The following GOT2 variants were observed in gnomAD, a reference collection of about 807,000 sequenced individuals.
The protein encoded by GOT2 is aspartate aminotransferase, mitochondrial.
In GOT2, 17 loss-of-function variants were observed where a neutral mutation model predicts 50.0. The ratio of observed to expected loss-of-function variants is 0.34; its 90% CI spans 0.23 to 0.51. The LOEUF (loss-of-function observed/expected upper bound fraction) is 0.51. GOT2 is among the 20% of genes least tolerant of loss of function. GOT2 has a pLI of 0.97. For missense variants in GOT2, 430 were observed against 559.6 expected, an observed-to-expected ratio of 0.77 and a Z score of 2.34; for synonymous variants, 172 against 204.9, an observed-to-expected ratio of 0.84 and a Z score of 1.37.
intron 1 of GOT2, among the ~76,000 whole-genome samples, chr16:58,730,147 G>C (rs1474610702): frequency 6.6e-6 from 1 of 152,142 alleles, no homozygotes; most frequent in Non-Finnish European, 1.5e-5. Flanking sequence ...TCTGTTTGTT[G>C]AAACTCTGGG....
chr16:58,727,985 AG>A (rs11299978), intron 1 of GOT2, among the ~76,000 whole-genome samples: 98,883 of 151,766 alleles, frequency 0.65, 33,002 homozygotes, highest in Middle Eastern at 0.86. Context: ...TTCCCAACAA[AG>A]GTTCTCTTAA....
In GOT2 at chr16:58,719,184, T is replaced by G. The variant is rs778468202; in HGVS notation, c.435+12A>C. ...ATTTATAATTCTTTCCTGAAGAAGCTTCCAGACTCACCAGAAAACTGGCTC... is the reference window on the plus strand; with the variant it reads ...ATTTATAATTCTTTCCTGAAGAAGCGTCCAGACTCACCAGAAAACTGGCTC... On this transcript the variant is annotated intron_variant, in intron 4 of 9. Transcript: ENST00000245206. 6.2e-7 allele frequency: 1 copy of G among 1,600,906 alleles called. No homozygotes were observed. The highest frequency in any genetic ancestry group is 8.6e-7 in the Non-Finnish European group (1 of 1,168,106).
At position 58,723,751 on chromosome 16, in the gene GOT2, G is replaced by T; in HGVS notation, c.241C>A (p.Arg81Ser). The T allele has an allele frequency of 1.2e-6, 2 of 1,611,716 alleles. No homozygotes were observed. The highest frequency in any genetic ancestry group is 1.1e-5 in the South Asian group (1 of 90,992). The change falls in exon 2 of 10, where the codon CGC becomes AGC. Residue 81 changes from arginine to serine, a missense_variant. Arg to Ser is a moderately radical substitution (Grantham distance 110). Transcript: ENST00000245206. ...NGKPYVLPSV[R>S]KAEAQIAAKN... ...GAGATGAACAGCAAGCTCACCTTGC[G>T]GACGCTAGGCAGAACGTAAGGCTTT...
Position 58,708,022 on chromosome 16 carries a change from A to G in GOT2, c.*149T>C. 1.4e-6 allele frequency: 1 copy of G among 715,436 alleles called. No individual in the cohort carries two copies. The highest frequency in any genetic ancestry group is 2.2e-6 in the Non-Finnish European group (1 of 455,450). 44.3% of individuals were successfully genotyped at this position (715,436 alleles called of 1,614,324 possible). On this transcript the variant is annotated 3_prime_UTR_variant, in exon 10 of 10. Coordinates refer to ENST00000245206, the MANE Select transcript of GOT2 (RefSeq NM_002080.4). ...CTGTGTCACTACATGTTCTTTTCTG[A>G]GAAACATTCAAATGCTGAGTGTTAC...
intron 7 of GOT2, 77 bp downstream of exon 7, chr16:58,716,583 CACA>C (rs2044695486): frequency 1.5e-5 from 18 of 1,226,958 alleles, no homozygotes; most frequent in Admixed American, 1.1e-4. Context: ...CACACACACA[CACA>C]CACCCACAAG....
chr16:58,729,024 T>G (rs1242397742), intron 1 of GOT2, among the ~76,000 whole-genome samples: 1 of 151,936 alleles, frequency 6.6e-6, no homozygotes, highest in Non-Finnish European at 1.5e-5. Flanking sequence ...TAGTTTTTTC[T>G]AGAGAATCAG....
intron 8 of GOT2, among the ~76,000 whole-genome samples, chr16:58,710,396 CTTT>C (rs774270272): frequency 2.2e-5 from 3 of 138,738 alleles, no homozygotes; most frequent in Admixed American, 7.3e-5. Context: ...ATTTTCTTTT[CTTT>C]TTTTTTTTTT....
At chr16:58,732,155 A>G (rs1053489822) in intron 1 of GOT2, among the ~76,000 whole-genome samples, 8 of 152,200 alleles carry the variant, frequency 5.3e-5, no homozygotes, top group Non-Finnish European at 1.5e-5. Context: ...AAAATAAAAA[A>G]TTAGCTGGGT....
chr16:58,724,930 T>C (rs1407435178), intron 1 of GOT2, among the ~76,000 whole-genome samples: 3 of 152,210 alleles, frequency 2.0e-5, no homozygotes, highest in African/African-American at 4.8e-5. Context: ...CACATTATGC[T>C]TAGTTGCATG....
intron 4 of GOT2, among the ~76,000 whole-genome samples, chr16:58,718,900 C>T (rs528671979): frequency 3.3e-5 from 5 of 152,296 alleles, no homozygotes; most frequent in Non-Finnish European, 5.9e-5. Flanking sequence ...CTGGGTCTTG[C>T]TTTCTTCACT....
chr16:58,716,594 A>ACAC, intron 7 of GOT2, 69 bp downstream of exon 7: 1 of 1,352,898 alleles, frequency 7.4e-7, no homozygotes, highest in Non-Finnish European at 1.0e-6. Context: ...ACACACCCAC[A>ACAC]AGCTCTATGC....
intron 3 of GOT2, 25 bp from the exon 4 acceptor site, chr16:58,719,280 G>A: frequency 1.9e-6 from 3 of 1,574,156 alleles, no homozygotes; most frequent in South Asian, 2.2e-5. Flanking sequence ...CCCACGGTCA[G>A]TGATGTGCAA....
At position 58,709,282 on chromosome 16, in the gene GOT2, ACAAAAC is replaced by A. The variant is rs1414494396; in HGVS notation, c.1170+129_1170+134del. On this transcript the variant is annotated intron_variant, in intron 9 of 9. Coordinates refer to ENST00000245206, the MANE Select transcript of GOT2 (RefSeq NM_002080.4). ...TCTCAAAACAAAAACAAAAACAAAA[ACAAAAC>A]AAAACAAAACAAAACAAAACAAAAA... 1.9e-4 allele frequency: 15 copies of A among 78,838 alleles called. No homozygotes were observed. In the Admixed American group the frequency reaches 5.0e-3, roughly 26 times the overall value. 4.9% of individuals were successfully genotyped at this position (78,838 alleles called of 1,614,324 possible). A position where few individuals can be genotyped will look rare whatever the true frequency, so the allele number is the denominator to read the frequency against.
At chr16:58,716,316 C>T in intron 7 of GOT2, 137 bp from the exon 8 acceptor site, 1 of 851,142 alleles carries the variant, frequency 1.2e-6, no homozygotes, top group Non-Finnish European at 1.8e-6. Flanking sequence ...AAAAAGCTTT[C>T]AACAACCAGA....
rs377448377 is a variant in GOT2 at position 58,712,038 on chromosome 16, C to T, written c.1020-2471G>A. On this transcript the variant is annotated intron_variant, in intron 8 of 9. Coordinates refer to ENST00000245206, the MANE Select transcript of GOT2 (RefSeq NM_002080.4). The stretch of plus-strand genomic sequence containing the variant: ...ATAATGCACGTCCCACGCCTATGCC[C>T]TCACTCAGATCTCTCCCCAGTTTCC... Among the ~76,000 whole-genome samples, 19 of 152,148 alleles carry T rather than the reference C, an allele frequency of 1.2e-4. No individual in the cohort carries two copies. The South Asian group carries it at 3.3e-3, about 27-fold the overall frequency.
chr16:58,710,096 C>A (rs770598482), intron 8 of GOT2, among the ~76,000 whole-genome samples: 15 of 152,080 alleles, frequency 9.9e-5, no homozygotes, highest in Non-Finnish European at 1.8e-4. Flanking sequence ...TGGGGTTTTG[C>A]CATGTTGCGC....
rs1360805376 is a variant in GOT2 at position 58,724,019 on chromosome 16, T to C, written c.90-117A>G. ...CCCAGGCTGGAGTGCAGTGGTGCTA[T>C]CTTGGCTCACTGCAGCGTTTGCCTC... On this transcript the variant is annotated intron_variant, in intron 1 of 9. Coordinates refer to ENST00000245206, the MANE Select transcript of GOT2 (RefSeq NM_002080.4). 4.7e-6 allele frequency: 4 copies of C among 859,778 alleles called. 1 individual carries two copies. In the Admixed American group the frequency reaches 8.7e-5, roughly 19 times the overall value. The allele number at this position is 859,778 out of a possible 1,614,324, so 53.3% of individuals were successfully genotyped here. A position where few individuals can be genotyped will look rare whatever the true frequency, so the allele number is the denominator to read the frequency against.
intron 3 of GOT2, among the ~76,000 whole-genome samples, chr16:58,720,768 G>T (rs905611663): frequency 2.1e-5 from 3 of 143,604 alleles, no homozygotes; most frequent in Admixed American, 1.4e-4. Context: ...TAGTAGAGAC[G>T]GGGGGGCGGG....
rs191549943 is a variant in GOT2, at chr16:58,727,680, T to C, written c.90-3778A>G. On this transcript the variant is annotated intron_variant, in intron 1 of 9. Transcript: ENST00000245206. ...TGGGAGCCCTGAGCAGAGGACGTAA[T>C]AGCTTGGAGAAGGGAAGGAAAGTAC... Among the ~76,000 whole-genome samples the C allele has an allele frequency of 5.9e-5, 9 of 152,126 alleles. No homozygotes were observed. In the East Asian group the frequency reaches 1.5e-3, roughly 26 times the overall value.
Sources: gnomAD v4.1 joint callset for allele counts (sites outside exome capture counted in the v4.1 genomes callset) on GRCh38, gnomAD v4.1.1 for gene constraint, MANE v1.5 for transcripts, NCBI Gene and HGNC (gene_info 2026-07-23, HGNC 2026-07-21) for gene names.